Variants in PSEN2 observed in about 807,000 individuals in gnomAD.
The protein encoded by PSEN2 is presenilin-2.
Under a neutral mutation model 49.1 loss-of-function variants are expected in PSEN2, and 32 were observed. The observed-to-expected ratio is 0.65, with a 90% confidence interval of 0.49 to 0.88. The LOEUF (loss-of-function observed/expected upper bound fraction) is 0.88. PSEN2 is among the 40% of genes least tolerant of loss of function. The pLI is 0.00. For synonymous variants in PSEN2, 255 were observed against 244.0 expected (o/e 1.05, Z -0.42); for missense variants, 522 against 586.9 (o/e 0.89, Z 1.14).
At chr1:226,894,180 C>T (rs1661959123) in intron 12 of PSEN2, 55 bp downstream of exon 12, 5 of 1,303,068 alleles carry the variant, frequency 3.8e-6, no homozygotes, top group South Asian at 3.6e-5. Context: ...CCAGGGTCCT[C>T]ATTGTGGTGG....
At chr1:226,879,110 G>A (rs548015430) in intron 3 of PSEN2, among the ~76,000 whole-genome samples, 33 of 152,138 alleles carry the variant, frequency 2.2e-4, no homozygotes, top group Non-Finnish European at 4.3e-4. Flanking sequence ...GGGCTCAAGC[G>A]ATCTGTCTGC....
rs370607299 is a variant in PSEN2 at position 226,885,688 on chromosome 1, C to G, written c.498+9C>G. 4.1e-5 allele frequency: 66 copies of G among 1,605,262 alleles called. No individual in the cohort carries two copies. The South Asian group carries it at 6.3e-4, about 15-fold the overall frequency. ...AGTACCGCTGCTACAAGGTGAGGCC[C>G]TGGCCCTGCCCTCCAGCCACGCTTC... On this transcript the variant is annotated intron_variant, in intron 6 of 12. Coordinates refer to ENST00000366783, the MANE Select transcript of PSEN2 (RefSeq NM_000447.3).
In PSEN2 at chr1:226,880,709, G is replaced by C. The variant is rs553153420; in HGVS notation, c.-20-1179G>C. 1.7e-5 allele frequency: 28 copies of C among 1,612,906 alleles called. No homozygotes were observed. The East Asian group carries it at 6.2e-4, about 36-fold the overall frequency. ...GAAGTTCTTCCCAGCCCAGAAACCTGCATGTGTAGATTTTGGTACACTGGG... is the reference window on the plus strand; with the variant it reads ...GAAGTTCTTCCCAGCCCAGAAACCTCCATGTGTAGATTTTGGTACACTGGG... On this transcript the variant is annotated intron_variant, in intron 3 of 12. Transcript: ENST00000366783.
downstream of PSEN2, chr1:226,897,688 C>T (rs376329501): frequency 4.5e-5 from 7 of 155,458 alleles, no homozygotes; most frequent in African/African-American, 1.4e-4. Flanking sequence ...CCGTGTAACC[C>T]GTCAACTAAT....
chr1:226,874,792 ACTGT>A (rs1395029413), intron 2 of PSEN2, among the ~76,000 whole-genome samples: 1 of 152,172 alleles, frequency 6.6e-6, no homozygotes, highest in Non-Finnish European at 1.5e-5. Flanking sequence ...GTCAGATTAG[ACTGT>A]CTGAGGCCTC....
At chr1:226,895,025 T>A (rs4653470) in intron 12 of PSEN2, among the ~76,000 whole-genome samples, 74,629 of 152,034 alleles carry the variant, frequency 0.49, 18,680 homozygotes, top group Middle Eastern at 0.66. Flanking sequence ...CGGCTCTGAT[T>A]CCCTTGGTGC....
Position 226,883,713 on chromosome 1 carries a change from G to A in PSEN2, c.150G>A (p.Gln50=). 1 of 1,613,998 alleles carries A rather than the reference G, an allele frequency of 6.2e-7. No homozygotes were observed. Among genetic ancestry groups the A allele is most frequent in the Non-Finnish European group, 8.5e-7 (1 of 1,180,006 alleles). The part of the protein sequence containing the change: ...DGENTAQWRS[Q]ENEEDGEEDP... Reference sequence around the variant, plus strand: ...GATGTGGTTTCCCACAGAGAAGCCAGGAGAACGAGGAGGACGGTGAGGAGG... The same window carrying A: ...GATGTGGTTTCCCACAGAGAAGCCAAGAGAACGAGGAGGACGGTGAGGAGG... Residue 50 remains glutamine, a synonymous_variant, in exon 5 of 13, where the codon CAG becomes CAA. Coordinates refer to ENST00000366783, the MANE Select transcript of PSEN2 (RefSeq NM_000447.3).
intron 6 of PSEN2, among the ~76,000 whole-genome samples, chr1:226,886,918 G>A (rs1354635656): frequency 6.6e-6 from 1 of 152,188 alleles, no homozygotes; most frequent in African/African-American, 2.4e-5. Flanking sequence ...CCTGGGCAAT[G>A]TAAGACCCTG....
At chr1:226,888,748 G>A in intron 7 of PSEN2, 81 bp from the exon 8 acceptor site, 2 of 1,228,934 alleles carry the variant, frequency 1.6e-6, no homozygotes, top group Non-Finnish European at 2.4e-6. Flanking sequence ...AGAGGGCCAG[G>A]TTGGGACTGA....
intron 12 of PSEN2, chr1:226,903,587 C>G (rs1662379053): frequency 6.6e-6 from 1 of 152,172 alleles, no homozygotes; most frequent in Non-Finnish European, 1.5e-5. Context: ...CTACCTGATC[C>G]TGCTGCCCTT....
chr1:226,877,791 C>T (rs769578518), intron 3 of PSEN2, among the ~76,000 whole-genome samples: 1 of 152,190 alleles, frequency 6.6e-6, no homozygotes, highest in Non-Finnish European at 1.5e-5. Context: ...GTATGAATGA[C>T]GTTTGTGGGT....
chr1:226,877,656 T>C (rs1660718557), intron 3 of PSEN2, among the ~76,000 whole-genome samples: 1 of 152,216 alleles, frequency 6.6e-6, no homozygotes, highest in African/African-American at 2.4e-5. Flanking sequence ...CCCTGCTTTC[T>C]TGAAGTCTTG....
chr1:226,871,905 C>G (rs1296171), intron 2 of PSEN2, among the ~76,000 whole-genome samples: 77,978 of 152,176 alleles, frequency 0.51, 20,418 homozygotes, highest in African/African-American at 0.61. Context: ...TGCGTCCTCA[C>G]GACGCCCACG....
At chr1:226,885,170 G>T (rs1661273636) in intron 5 of PSEN2, among the ~76,000 whole-genome samples, 1 of 152,012 alleles carries the variant, frequency 6.6e-6, no homozygotes. Flanking sequence ...TGCTGGGCTG[G>T]GTGGAGCTGG....
Position 226,890,090 on chromosome 1 carries a change from C to T in PSEN2, c.843C>T (p.Ala281=), listed in dbSNP as rs2102686884. 6.2e-7 allele frequency: 1 copy of T among 1,614,064 alleles called. No homozygotes were observed. Among genetic ancestry groups the T allele is most frequent in the Non-Finnish European group, 8.5e-7 (1 of 1,179,962 alleles). Residue 281 remains alanine (A), a synonymous_variant, in exon 9 of 13, where the codon GCC becomes GCT. Transcript: ENST00000366783. ...KGPLRMLVET[A]QERNEPIFPA... ...CTCTGAGAATGCTGGTAGAAACTGC[C>T]CAGGAGAGAAATGAGCCCATATTCC...
intron 11 of PSEN2, among the ~76,000 whole-genome samples, chr1:226,892,226 G>A (rs563299031): frequency 1.3e-5 from 2 of 152,324 alleles, no homozygotes; most frequent in Admixed American, 6.5e-5. Flanking sequence ...TGGTTGGCAG[G>A]GGTGAGAGAA....
At chr1:226,892,522 G>T (rs1455296960) in intron 11 of PSEN2, among the ~76,000 whole-genome samples, 3 of 152,192 alleles carry the variant, frequency 2.0e-5, no homozygotes, top group African/African-American at 7.2e-5. Flanking sequence ...GGGAGATGCT[G>T]CACTGTCGTA....
At chr1:226,890,207 C>A in intron 9 of PSEN2, 74 bp downstream of exon 9, 1 of 1,284,962 alleles carries the variant, frequency 7.8e-7, no homozygotes, top group Non-Finnish European at 1.1e-6. Context: ...GGCCTGCTTC[C>A]TGGCCGTGGC....
chr1:226,880,690 C>A, intron 3 of PSEN2: 1 of 1,612,932 alleles, frequency 6.2e-7, no homozygotes, highest in Non-Finnish European at 8.5e-7. Flanking sequence ...GTTTGAAGTT[C>A]TTCCCAGCCC....
Sources: allele counts gnomAD v4.1 joint callset (sites outside exome capture counted in the v4.1 genomes callset), GRCh38; gene constraint gnomAD v4.1.1; transcripts MANE v1.5; gene names NCBI Gene and HGNC (gene_info 2026-07-23, HGNC 2026-07-21).